DGKI: variants seen among roughly 807,000 people sequenced by gnomAD.
The protein encoded by DGKI is DAG kinase iota.
A neutral mutation model predicts 147.5 loss-of-function variants in DGKI; 55 were observed. That is an observed-to-expected ratio of 0.37 (90% CI 0.30 to 0.47). The LOEUF is 0.47. DGKI is among the 20% of genes least tolerant of loss of function. DGKI has a pLI of 1.00. For missense variants in DGKI, 1,007 were observed against 1,323.8 expected (o/e 0.76, Z 3.71); for synonymous variants, 469 against 477.1 (o/e 0.98, Z 0.22).
At chr7:137,821,842 C>T (rs1282703159) in intron 1 of DGKI, among the ~76,000 whole-genome samples, 16 of 152,092 alleles carry the variant, frequency 1.1e-4, no homozygotes, top group African/African-American at 1.7e-4. Context: ...CAGAAAAGCT[C>T]AGAAACTAGA....
intron 21 of DGKI, among the ~76,000 whole-genome samples, chr7:137,489,243 G>C (rs981007591): frequency 2.6e-5 from 4 of 152,112 alleles, no homozygotes; most frequent in African/African-American, 7.2e-5. Flanking sequence ...TATAAAAAGA[G>C]GGAGGAAGAT....
chr7:137,508,931 T>G (rs953988627), intron 21 of DGKI, among the ~76,000 whole-genome samples: 3 of 152,148 alleles, frequency 2.0e-5, no homozygotes, highest in Admixed American at 6.5e-5. Context: ...AGTACCTATT[T>G]TGTTACTCAT....
At chr7:137,811,080 T>C (rs1797552559) in intron 1 of DGKI, among the ~76,000 whole-genome samples, 1 of 152,168 alleles carries the variant, frequency 6.6e-6, no homozygotes, top group Non-Finnish European at 1.5e-5. Context: ...AAATTGTTGC[T>C]GAATTCTGGT....
intron 1 of DGKI, among the ~76,000 whole-genome samples, chr7:137,838,731 C>A (rs1798460664): frequency 6.6e-6 from 1 of 152,258 alleles, no homozygotes; most frequent in South Asian, 2.1e-4. Context: ...CAGTCCTGAG[C>A]CGTTTTATTT....
intron 19 of DGKI, among the ~76,000 whole-genome samples, chr7:137,570,283 G>A (rs1818749050): frequency 6.6e-6 from 1 of 152,140 alleles, no homozygotes; most frequent in Non-Finnish European, 1.5e-5. Context: ...AAGCAGGAAT[G>A]CATGGCTAAA....
chr7:137,829,940 G>T (rs903266757), intron 1 of DGKI, among the ~76,000 whole-genome samples: 1 of 152,100 alleles, frequency 6.6e-6, no homozygotes, highest in Non-Finnish European at 1.5e-5. Context: ...ATAGTAAATA[G>T]AACTTAAGAG....
At chr7:137,545,681 A>G (rs1817839945) in intron 20 of DGKI, among the ~76,000 whole-genome samples, 1 of 152,218 alleles carries the variant, frequency 6.6e-6, no homozygotes, top group Non-Finnish European at 1.5e-5. Flanking sequence ...AAAGTATCTC[A>G]TCCAAAAATT....
intron 14 of DGKI, among the ~76,000 whole-genome samples, chr7:137,583,647 GTCTT>G (rs1819283162): frequency 6.6e-6 from 1 of 152,068 alleles, no homozygotes; most frequent in East Asian, 1.9e-4. Flanking sequence ...ACACCAAGAA[GTCTT>G]TCCATTTCTT....
At chr7:137,662,418 T>C (rs537715693) in intron 3 of DGKI, among the ~76,000 whole-genome samples, 1 of 152,180 alleles carries the variant, frequency 6.6e-6, no homozygotes, top group Non-Finnish European at 1.5e-5. Flanking sequence ...TAATTTTTTG[T>C]ATTTTTAGTA....
intron 2 of DGKI, among the ~76,000 whole-genome samples, chr7:137,687,259 CCTTTTTT>C (rs1823450369): frequency 6.6e-6 from 1 of 152,210 alleles, no homozygotes; most frequent in Admixed American, 6.5e-5. Flanking sequence ...GTTCCCCCTA[CCTTTTTT>C]ATAAGCTCCT....
intron 1 of DGKI, among the ~76,000 whole-genome samples, chr7:137,724,148 CT>C (rs1269200575): frequency 1.3e-5 from 2 of 152,020 alleles, no homozygotes; most frequent in African/African-American, 4.8e-5. Flanking sequence ...TGCAAAGTCC[CT>C]TAGATTTTTA....
chr7:137,486,633 C>A (rs757332863), intron 22 of DGKI, among the ~76,000 whole-genome samples: 1 of 152,116 alleles, frequency 6.6e-6, no homozygotes, highest in Non-Finnish European at 1.5e-5. Context: ...TATTTGTCAT[C>A]TATTTCTCAA....
intron 17 of DGKI, among the ~76,000 whole-genome samples, chr7:137,575,904 A>AT (rs1369150035): frequency 6.6e-6 from 1 of 152,058 alleles, no homozygotes; most frequent in Admixed American, 6.5e-5. Context: ...TTTACTGGTG[A>AT]TTACACATTT....
chr7:137,823,622 G>A (rs559601392), intron 1 of DGKI, among the ~76,000 whole-genome samples: 1 of 152,300 alleles, frequency 6.6e-6, no homozygotes, highest in South Asian at 2.1e-4. Context: ...CAGAAAAGGA[G>A]GTGTGACGCT....
chr7:137,730,032 G>C (rs1293896352), intron 1 of DGKI, among the ~76,000 whole-genome samples: 2 of 152,122 alleles, frequency 1.3e-5, no homozygotes, highest in East Asian at 3.9e-4. Context: ...GCACAATGCA[G>C]ACCAAGTTTT....
At chr7:137,548,876 AC>A (rs1361213132) in intron 20 of DGKI, among the ~76,000 whole-genome samples, 1 of 152,100 alleles carries the variant, frequency 6.6e-6, no homozygotes, top group African/African-American at 2.4e-5. Flanking sequence ...CAGGAGAATC[AC>A]TTGAACCCGG....
At chr7:137,840,679 G>C (rs1798519503) in intron 1 of DGKI, among the ~76,000 whole-genome samples, 1 of 152,192 alleles carries the variant, frequency 6.6e-6, no homozygotes, top group Non-Finnish European at 1.5e-5. Flanking sequence ...ACGCAGTCCT[G>C]GGCTGCTGGA....
chr7:137,463,549 A>G lies in DGKI; in HGVS notation c.2675T>C (p.Met892Thr). 1 of 1,614,188 alleles carries G rather than the reference A, an allele frequency of 6.2e-7. No homozygotes were observed. The highest frequency in any genetic ancestry group is 8.5e-7 in the Non-Finnish European group (1 of 1,180,014). ...KRMLSDSGLGMIAPYYEDSDL... is the reference protein window; with the variant it reads ...KRMLSDSGLGTIAPYYEDSDL... ...TGAGTCCTCATAATAGGGAGCTATC[A>G]TCCCCAGCCCACTGTCACTCAGCAT... Residue 892 changes from methionine to threonine, a missense_variant, in exon 27 of 33, where the codon ATG (methionine) becomes ACG (threonine). By Grantham distance (81) the Met-to-Thr change is moderately conservative. Transcript: ENST00000614521.
chr7:137,678,409 T>A (rs1823111294), intron 3 of DGKI, 148 bp downstream of exon 3: 1 of 737,976 alleles, frequency 1.4e-6, no homozygotes, highest in Non-Finnish European at 2.3e-6. Context: ...CTTGAGAAAC[T>A]CTCTGCAAAC....
Sources: allele counts gnomAD v4.1 joint callset (sites outside exome capture counted in the v4.1 genomes callset), GRCh38; gene constraint gnomAD v4.1.1; transcripts MANE v1.5; gene names NCBI Gene and HGNC (gene_info 2026-07-23, HGNC 2026-07-21).